Variants in BICD1 observed in about 807,000 individuals in gnomAD.
BICD1 encodes the protein BICD cargo adaptor 1.
In BICD1, 35 loss-of-function variants were observed where a neutral mutation model predicts 92.5. That is an observed-to-expected ratio of 0.38 (90% CI 0.29 to 0.50). BICD1 has a LOEUF of 0.50. BICD1 is among the 20% of genes least tolerant of loss of function. BICD1 has a pLI of 0.93. For synonymous variants in BICD1, 429 were observed against 465.1 expected (o/e 0.92, Z 1.00); for missense variants, 950 against 1,189.8 (o/e 0.80, Z 2.97).
rs59773199 is a variant in BICD1, at chr12:32,332,122, C to G, written c.2101-2394C>G. On this transcript the variant is annotated intron_variant, in intron 5 of 9. Transcript: ENST00000652176. Reference sequence around the variant, plus strand: ...TATCCTTAGCAAACTAACACAGGAACAGAAAACCAGATACCGCATGTTCTC... The same window carrying G: ...TATCCTTAGCAAACTAACACAGGAAGAGAAAACCAGATACCGCATGTTCTC... Among the ~76,000 whole-genome samples the G allele has an allele frequency of 1.5e-3, 224 of 152,230 alleles. 1 individual carries two copies. The highest frequency in any genetic ancestry group is 5.2e-3 in the African/African-American group (214 of 41,534).
In BICD1 at chr12:32,174,503, C is replaced by CAA. The variant is rs139885508; in HGVS notation, c.214-41735_214-41734dup. ...GGGCCACAGAGCAAGACCCTGTCTC[C>CAA]AAAAAAAAAAGAGAAAAAATTAATC... is the stretch of plus-strand genomic sequence containing the variant. On this transcript the variant is annotated intron_variant, in intron 1 of 9. Coordinates refer to ENST00000652176, the MANE Select transcript of BICD1 (RefSeq NM_001714.4). Among the ~76,000 whole-genome samples the CAA allele has an allele frequency of 1.2e-3, 176 of 144,248 alleles. 1 individual carries two copies. Among genetic ancestry groups the CAA allele is most frequent in the African/African-American group, 4.4e-3 (173 of 39,742 alleles). The allele number at this position is 144,248 out of a possible 152,430, so 94.6% of individuals were successfully genotyped here.
chr12:32,141,841 C>A (rs1034004915), intron 1 of BICD1, among the ~76,000 whole-genome samples: 1 of 152,122 alleles, frequency 6.6e-6, no homozygotes, highest in Non-Finnish European at 1.5e-5. Flanking sequence ...CCTTTTTATT[C>A]GCCGTTCGTT....
At position 32,343,952 on chromosome 12, in the gene BICD1, G is replaced by T. The variant is rs567585718; in HGVS notation, c.2764+4973G>T. 1.6e-4 allele frequency among the ~76,000 whole-genome samples: 25 copies of T among 152,286 alleles called. No homozygotes were observed. The South Asian group carries it at 4.6e-3, about 28-fold the overall frequency. ...TTGCAAAGCCTATGTTCTTAAGCAT[G>T]TACCAAAATCACATTTATTTCATTA... On this transcript the variant is annotated intron_variant, in intron 8 of 9. Transcript: ENST00000652176.
intron 1 of BICD1, among the ~76,000 whole-genome samples, chr12:32,123,738 C>T (rs576164146): frequency 3.3e-5 from 5 of 152,158 alleles, no homozygotes; most frequent in Admixed American, 1.3e-4. Context: ...ATAAGCCAGG[C>T]GTGGTGGCAG....
At chr12:32,156,176 GC>G (rs2121462636) in intron 1 of BICD1, among the ~76,000 whole-genome samples, 1 of 152,330 alleles carries the variant, frequency 6.6e-6, no homozygotes, top group South Asian at 2.1e-4. Flanking sequence ...GCAGAATCAG[GC>G]CTTTTTGCAA....
At chr12:32,167,749 C>T (rs2121513567) in intron 1 of BICD1, among the ~76,000 whole-genome samples, 1 of 152,292 alleles carries the variant, frequency 6.6e-6, no homozygotes, top group Middle Eastern at 3.4e-3. Flanking sequence ...ACCTACCGCG[C>T]CTGGCCTATC....
intron 1 of BICD1, among the ~76,000 whole-genome samples, chr12:32,156,737 G>A (rs1565553292): frequency 6.6e-6 from 1 of 152,164 alleles, no homozygotes; most frequent in South Asian, 2.1e-4. Flanking sequence ...TTTACCCCAC[G>A]GAGGAGATGT....
chr12:32,142,429 AAACAAAAAAC>A (rs1337738047), intron 1 of BICD1, among the ~76,000 whole-genome samples: 4 of 26,526 alleles, frequency 1.5e-4, no homozygotes, highest in African/African-American at 5.1e-4. Flanking sequence ...AAAAAAAAAA[AAACAAAAAAC>A]CCCACCTATC....
chr12:32,108,726 A>G (rs1372702009), intron 1 of BICD1: 1 of 668,260 alleles, frequency 1.5e-6, no homozygotes, highest in South Asian at 1.7e-5. Context: ...ATACTTTTAG[A>G]TATGTCTTAT....
In BICD1 at chr12:32,283,825, G is replaced by C. The variant is rs184479985; in HGVS notation, c.427-10169G>C. On this transcript the variant is annotated intron_variant, in intron 2 of 9. Transcript: ENST00000652176. ...TTGAGAAGTCTGGGCCTGTCCCATG[G>C]ATCTGACATCCAGGGGTCCCAGCCT... Among the ~76,000 whole-genome samples, 260 of 152,336 alleles carry C rather than the reference G, an allele frequency of 1.7e-3. 1 individual carries two copies. Among genetic ancestry groups the C allele is most frequent in the African/African-American group, 6.1e-3 (252 of 41,582 alleles).
intron 1 of BICD1, chr12:32,108,990 G>T: frequency 3.4e-6 from 1 of 290,998 alleles, no homozygotes; most frequent in Non-Finnish European, 6.5e-6. Context: ...TCTCAGAGAT[G>T]TTTTGATATT....
intron 2 of BICD1, among the ~76,000 whole-genome samples, chr12:32,249,189 A>G (rs886121866): frequency 1.3e-5 from 2 of 152,178 alleles, no homozygotes; most frequent in African/African-American, 2.4e-5. Context: ...AGGGTAGAGT[A>G]TAGCAATAGC....
At chr12:32,107,818 C>T in intron 1 of BICD1, 1 of 688,760 alleles carries the variant, frequency 1.5e-6, no homozygotes, top group Non-Finnish European at 2.6e-6. Context: ...AGTCTCAGCA[C>T]TCTAAGACGA....
At chr12:32,233,450 C>T (rs545890773) in intron 2 of BICD1, among the ~76,000 whole-genome samples, 4 of 151,778 alleles carry the variant, frequency 2.6e-5, no homozygotes, top group South Asian at 4.2e-4. Flanking sequence ...TTTTAAAATG[C>T]GGAACTCGTA....
chr12:32,304,377 G>T (rs1948153866), intron 3 of BICD1, among the ~76,000 whole-genome samples: 1 of 152,166 alleles, frequency 6.6e-6, no homozygotes, highest in African/African-American at 2.4e-5. Context: ...ATATCATGAT[G>T]ACTTTATTTT....
At chr12:32,298,182 C>CAAA (rs34140328) in intron 3 of BICD1, among the ~76,000 whole-genome samples, 1,824 of 132,124 alleles carry the variant, frequency 0.014, 21 homozygotes, top group Non-Finnish European at 0.02. Flanking sequence ...GACCCTGTCT[C>CAAA]AAAAAAAAAA....
intron 4 of BICD1, among the ~76,000 whole-genome samples, chr12:32,316,037 G>A (rs150095605): frequency 1.5e-4 from 22 of 151,700 alleles, no homozygotes; most frequent in Admixed American, 3.9e-4. Flanking sequence ...TTGGGAGGCT[G>A]AGGCAGGAGA....
intron 1 of BICD1, among the ~76,000 whole-genome samples, chr12:32,169,972 C>CTTAG (rs1943887596): frequency 6.6e-6 from 1 of 152,210 alleles, no homozygotes; most frequent in African/African-American, 2.4e-5. Flanking sequence ...TAAGAACAGG[C>CTTAG]TTAGCTGTGA....
chr12:32,190,180 A>G (rs2121529941), intron 1 of BICD1, among the ~76,000 whole-genome samples: 1 of 152,346 alleles, frequency 6.6e-6, no homozygotes, highest in South Asian at 2.1e-4. Flanking sequence ...GCAAGACTGT[A>G]AGAGAGGAAG....
Sources: allele counts gnomAD v4.1 joint callset (sites outside exome capture counted in the v4.1 genomes callset), GRCh38; gene constraint gnomAD v4.1.1; transcripts MANE v1.5; gene names NCBI Gene and HGNC (gene_info 2026-07-23, HGNC 2026-07-21).